The following OGA variants were observed in gnomAD, a reference collection of about 807,000 sequenced individuals.
The protein encoded by OGA is protein O-GlcNAcase.
Under a neutral mutation model 102.0 loss-of-function variants are expected in OGA, and 21 were observed. The ratio of observed to expected loss-of-function variants is 0.21; its 90% confidence interval spans 0.15 to 0.30. The LOEUF is 0.30. OGA is among the 10% of genes least tolerant of loss of function. The pLI, the probability that OGA is intolerant of heterozygous loss-of-function variation, is 1.00. For synonymous variants in OGA, 408 were observed against 378.2 expected, an observed-to-expected ratio of 1.08 and a Z score of -0.91; for missense variants, 765 against 1,107.8, an observed-to-expected ratio of 0.69 and a Z score of 4.39.
chr10:101,790,295 CAG>C (rs1301726016), intron 14 of OGA, among the ~76,000 whole-genome samples: 1 of 104,278 alleles, frequency 9.6e-6, no homozygotes, highest in Non-Finnish European at 1.8e-5. Context: ...TTTTTTGAGA[CAG>C]AGTTTCACTC....
chr10:101,814,070 G>T (rs1013518617), intron 1 of OGA, among the ~76,000 whole-genome samples: 2 of 151,042 alleles, frequency 1.3e-5, no homozygotes, highest in Non-Finnish European at 3.0e-5. Flanking sequence ...ACCCACGCCT[G>T]TAATCCCAGC....
At chr10:101,806,190 G>A in intron 5 of OGA, 47 bp from the exon 6 acceptor site, 1 of 1,205,342 alleles carries the variant, frequency 8.3e-7, no homozygotes, top group Non-Finnish European at 1.2e-6. Context: ...AAATGCTCAT[G>A]GGTTTTCTCT....
At chr10:101,805,673 A>G (rs1223139230) in intron 6 of OGA, among the ~76,000 whole-genome samples, 10 of 140,858 alleles carry the variant, frequency 7.1e-5, no homozygotes, top group African/African-American at 2.4e-4. Flanking sequence ...AAAAAAAAAA[A>G]GGCCAGGCGT....
At chr10:101,806,557 A>G (rs2065477449) in intron 5 of OGA, among the ~76,000 whole-genome samples, 1 of 152,200 alleles carries the variant, frequency 6.6e-6, no homozygotes, top group Non-Finnish European at 1.5e-5. Flanking sequence ...ACAAGGAACT[A>G]AAGTGGGCAG....
chr10:101,804,097 C>T (rs1273458718), intron 6 of OGA, 78 bp from the exon 7 acceptor site: 4 of 1,345,274 alleles, frequency 3.0e-6, no homozygotes, highest in Non-Finnish European at 4.1e-6. Context: ...GTAATCCCAG[C>T]ACTCTGGGAG....
At chr10:101,797,001 T>C (rs568901986) in intron 10 of OGA, 4 of 152,026 alleles carry the variant, frequency 2.6e-5, no homozygotes, top group Admixed American at 1.3e-4. Flanking sequence ...CTACTTTTAG[T>C]AGCTAATTAG....
chr10:101,802,043 G>A (rs2065399702), intron 7 of OGA, among the ~76,000 whole-genome samples: 1 of 152,166 alleles, frequency 6.6e-6, no homozygotes, highest in South Asian at 2.1e-4. Context: ...TACTCAGGAG[G>A]CTGAGGCCAG....
Position 101,799,277 on chromosome 10 carries a change from T to C in OGA, c.1374A>G (p.Lys458=). The change falls in exon 9 of 16, where the codon AAA becomes AAG. Residue 458 remains lysine, a synonymous_variant. Transcript: ENST00000361464. ...PTTLTKEEEK[K]QPDEEPMDMV... ...TGTCCATGGGTTCTTCATCAGGCTG[T>C]TTCTTTTCTTCTTCCTTGGTCAGAG... 1.2e-6 allele frequency: 2 copies of C among 1,614,198 alleles called. No homozygotes were observed. The highest frequency in any genetic ancestry group is 2.2e-5 in the East Asian group (1 of 44,894).
chr10:101,790,024 G>C (rs2065238430), intron 14 of OGA, among the ~76,000 whole-genome samples: 1 of 152,118 alleles, frequency 6.6e-6, no homozygotes, highest in African/African-American at 2.4e-5. Flanking sequence ...ATCACGTAAT[G>C]TGTTGGCCAA....
intron 3 of OGA, 183 bp downstream of exon 3, chr10:101,812,847 C>T: frequency 1.5e-6 from 1 of 667,990 alleles, no homozygotes; most frequent in Non-Finnish European, 2.8e-6. Context: ...CACATATGGT[C>T]ATGACCTTGC....
At chr10:101,790,807 T>C (rs2065252705) in intron 14 of OGA, 89 bp downstream of exon 14, 11 of 996,764 alleles carry the variant, frequency 1.1e-5, no homozygotes, top group Middle Eastern at 3.3e-4. Flanking sequence ...CTATGTACTT[T>C]TCCATTTTAG....
At position 101,798,040 on chromosome 10, in the gene OGA, A is replaced by C; in HGVS notation, c.1924T>G (p.Ser642Ala). The change falls in exon 10 of 16, where the codon TCC (serine) becomes GCC (alanine). Residue 642 changes from serine to alanine, a missense_variant. Around this residue, in one of 7 missense-constraint regions of OGA, gnomAD observed 281 missense variants for 345.8 expected, o/e 0.81. Transcript: ENST00000361464. Reference sequence around the variant, plus strand: ...ATACTCTTGATATCCCAAACATAGGAGTACATGTCATAAAGAATTGTCCTG... The same window carrying C: ...ATACTCTTGATATCCCAAACATAGGCGTACATGTCATAAAGAATTGTCCTG... The part of the protein sequence containing the change: ...ANRTILYDMY[S>A]YVWDIKSIMS... The C allele has an allele frequency of 6.2e-7, 1 of 1,614,000 alleles. No homozygotes were observed. Among genetic ancestry groups the C allele is most frequent in the Non-Finnish European group, 8.5e-7 (1 of 1,179,864 alleles).
chr10:101,813,105 T>C lies in OGA; in HGVS notation c.274A>G (p.Thr92Ala). Reference protein sequence around the residue: ...FRRLQKWELNTYLYAPKDDYK... With the variant: ...FRRLQKWELNAYLYAPKDDYK... ...TCATCTTTTGGGGCATACAAGTATG[T>C]ATTTAATTCCCATTTCTGGAGCCTT... is the stretch of plus-strand genomic sequence containing the variant. Residue 92 changes from threonine (T) to alanine (A), a missense_variant, in exon 3 of 16, where the codon ACA (threonine) becomes GCA (alanine). Physicochemically the swap from Thr to Ala is moderately conservative, Grantham distance 58. This residue lies in a region of OGA where 165 missense variants were observed against 249.7 expected (regional missense o/e 0.66). Coordinates refer to ENST00000361464, the MANE Select transcript of OGA (RefSeq NM_012215.5). 6.2e-7 allele frequency: 1 copy of C among 1,611,410 alleles called. No homozygotes were observed. The highest frequency in any genetic ancestry group is 1.1e-5 in the South Asian group (1 of 90,270).
chr10:101,803,170 A>G (rs1001236012), intron 7 of OGA, among the ~76,000 whole-genome samples: 18 of 151,770 alleles, frequency 1.2e-4, no homozygotes, highest in Non-Finnish European at 2.9e-5. Context: ...ATGTTCCATA[A>G]AAGATAAATG....
At position 101,804,142 on chromosome 10, in the gene OGA, C is replaced by T. The variant is rs1277907260; in HGVS notation, c.752-123G>A. On this transcript the variant is annotated intron_variant, in intron 6 of 15. Transcript: ENST00000361464. ...GGCAGATCATTTGAGCCCAGGAGTTCGGACCAGCCTGGGCAACACAGCGAG... is the reference window on the plus strand; with the variant it reads ...GGCAGATCATTTGAGCCCAGGAGTTTGGACCAGCCTGGGCAACACAGCGAG... 17 of 746,818 alleles carry T rather than the reference C, an allele frequency of 2.3e-5. No individual in the cohort carries two copies. In the Admixed American group the frequency reaches 2.4e-4, roughly 11 times the overall value. The allele number at this position is 746,818 out of a possible 1,614,324, so 46.3% of individuals were successfully genotyped here.
rs1264219796 is a variant in OGA at position 101,798,919 on chromosome 10, T to A, written c.1732A>T (p.Met578Leu). The A allele has an allele frequency of 6.2e-7, 1 of 1,614,164 alleles. No individual in the cohort carries two copies. The highest frequency in any genetic ancestry group is 8.5e-7 in the Non-Finnish European group (1 of 1,180,024). ...PYEHGPKGAQ[M>L]LREFQWLRAN... ...CGAAGCCATTGAAATTCCCGTAACA[T>A]CTGTGCTCCTTTGGGTCCATGCTCG... The change falls in exon 9 of 16, where the codon ATG (methionine) becomes TTG (leucine). Residue 578 changes from methionine to leucine, a missense_variant. Transcript: ENST00000361464.
intron 14 of OGA, among the ~76,000 whole-genome samples, chr10:101,789,106 G>A (rs1441305558): frequency 2.6e-5 from 4 of 152,222 alleles, no homozygotes; most frequent in Admixed American, 2.6e-4. Flanking sequence ...CACCAGCATA[G>A]TGTCAGTGTA....
At chr10:101,797,592 A>G (rs1564642824) in intron 10 of OGA, 4 of 316,660 alleles carry the variant, frequency 1.3e-5, no homozygotes, top group Non-Finnish European at 2.3e-5. Flanking sequence ...TGTTAAACAT[A>G]GCATTAATGT....
At chr10:101,794,752 CTATT>C (rs1183054367) in intron 10 of OGA, among the ~76,000 whole-genome samples, 3 of 152,218 alleles carry the variant, frequency 2.0e-5, no homozygotes, top group African/African-American at 7.2e-5. Context: ...ACAGAAGTCT[CTATT>C]TAAGGTCACC....
Sources: gnomAD v4.1 joint callset for allele counts (sites outside exome capture counted in the v4.1 genomes callset) on GRCh38, gnomAD v4.1.1 for gene constraint, gnomAD v4.1.1 regional missense constraint, MANE v1.5 for transcripts, NCBI Gene and HGNC (gene_info 2026-07-23, HGNC 2026-07-21) for gene names.